ADAMTSL1: variants seen among roughly 807,000 people sequenced by gnomAD.
The protein encoded by ADAMTSL1 is ADAMTS-like protein 1.
Under a neutral mutation model 201.8 loss-of-function variants are expected in ADAMTSL1, and 126 were observed. The ratio of observed to expected loss-of-function variants is 0.62; its 90% confidence interval spans 0.54 to 0.72. The LOEUF (loss-of-function observed/expected upper bound fraction) is 0.72. Among genes scored for constraint, ADAMTSL1 ranks in the 30% least tolerant of loss-of-function variants. ADAMTSL1 has a pLI of 0.00. For synonymous variants in ADAMTSL1, 1,121 were observed against 903.4 expected, an observed-to-expected ratio of 1.24 and a Z score of -4.32; for missense variants, 2,679 against 2,277.8, an observed-to-expected ratio of 1.18 and a Z score of -3.59.
intron 3 of ADAMTSL1, among the ~76,000 whole-genome samples, chr9:18,533,496 C>G (rs1395857663): frequency 6.6e-6 from 1 of 152,144 alleles, no homozygotes; most frequent in Non-Finnish European, 1.5e-5. Flanking sequence ...CAGCTTGAAA[C>G]TAACTAGACT....
chr9:18,150,904 AT>A (rs892750170), intron 1 of ADAMTSL1, among the ~76,000 whole-genome samples: 44 of 149,608 alleles, frequency 2.9e-4, no homozygotes, highest in South Asian at 6.4e-4. Context: ...TAAAGGACTT[AT>A]TTTTTTTTTC....
intron 1 of ADAMTSL1, among the ~76,000 whole-genome samples, chr9:18,495,587 C>G (rs557845049): frequency 6.6e-6 from 1 of 152,278 alleles, no homozygotes; most frequent in South Asian, 2.1e-4. Flanking sequence ...CCAGAGTGTT[C>G]CAAATATCCA....
At chr9:18,302,482 A>G (rs545138644) in intron 2 of ADAMTSL1, among the ~76,000 whole-genome samples, 51 of 152,212 alleles carry the variant, frequency 3.4e-4, no homozygotes, top group African/African-American at 1.1e-3. Flanking sequence ...TATGGGCAAT[A>G]TTTCTCCTTC....
chr9:18,657,887 A>G (rs938814827), intron 8 of ADAMTSL1, 137 bp downstream of exon 8: 5 of 676,706 alleles, frequency 7.4e-6, no homozygotes, highest in African/African-American at 7.2e-5. Flanking sequence ...ACAGAGTGGA[A>G]TCTCGAGGCC....
intron 3 of ADAMTSL1, among the ~76,000 whole-genome samples, chr9:18,560,031 A>T (rs921892961): frequency 1.9e-4 from 29 of 152,274 alleles, no homozygotes; most frequent in Admixed American, 6.5e-4. Flanking sequence ...CCGGGCCAGA[A>T]CTTCCAATAT....
chr9:18,338,391 C>T (rs1835336270), intron 2 of ADAMTSL1, among the ~76,000 whole-genome samples: 1 of 152,036 alleles, frequency 6.6e-6, no homozygotes, highest in Non-Finnish European at 1.5e-5. Flanking sequence ...GGTTCCTACC[C>T]TTCCTGCCTG....
At chr9:17,958,010 T>C (rs1827996614) in intron 1 of ADAMTSL1, among the ~76,000 whole-genome samples, 1 of 152,152 alleles carries the variant, frequency 6.6e-6, no homozygotes, top group Non-Finnish European at 1.5e-5. Context: ...GTGACAGTCA[T>C]AGGATGCTAA....
intron 7 of ADAMTSL1, among the ~76,000 whole-genome samples, chr9:18,647,515 T>C (rs1285493277): frequency 1.3e-5 from 2 of 152,254 alleles, no homozygotes; most frequent in Admixed American, 6.5e-5. Context: ...CTTTCTCTTG[T>C]GGGCATTTAG....
At chr9:17,992,910 C>A (rs1336903269) in intron 1 of ADAMTSL1, among the ~76,000 whole-genome samples, 3 of 152,076 alleles carry the variant, frequency 2.0e-5, no homozygotes, top group African/African-American at 7.2e-5. Flanking sequence ...TTACACATAA[C>A]CCTTTACTGA....
At chr9:18,294,443 G>T (rs1833392901) in intron 2 of ADAMTSL1, among the ~76,000 whole-genome samples, 1 of 152,240 alleles carries the variant, frequency 6.6e-6, no homozygotes, top group Non-Finnish European at 1.5e-5. Context: ...CCCAGGTTCT[G>T]TGGCTGGGCT....
intron 2 of ADAMTSL1, among the ~76,000 whole-genome samples, chr9:18,280,249 C>A (rs1832733897): frequency 6.6e-6 from 1 of 151,968 alleles, no homozygotes; most frequent in Non-Finnish European, 1.5e-5. Flanking sequence ...TGGGTGCTGG[C>A]CTGAAGTTTA....
Position 18,268,269 on chromosome 9 carries a change from T to A in ADAMTSL1, c.207+104288T>A, listed in dbSNP as rs946889555. The stretch of plus-strand genomic sequence containing the variant: ...GTTGAGTCACTGCTACTTGTATTGA[T>A]TATAATAGTATGTGAGCAAAATAAC... On this transcript the variant is annotated intron_variant, in intron 2 of 29. Transcript: ENST00000680146. Among the ~76,000 whole-genome samples the A allele has an allele frequency of 2.0e-5, 3 of 152,306 alleles. No homozygotes were observed. In the South Asian group the frequency reaches 6.2e-4, roughly 32 times the overall value.
chr9:18,167,769 G>A (rs552739100), intron 2 of ADAMTSL1, among the ~76,000 whole-genome samples: 8 of 151,820 alleles, frequency 5.3e-5, no homozygotes, highest in Non-Finnish European at 1.0e-4. Context: ...TAGAATGTAA[G>A]CACTAGTACC....
chr9:18,502,771 G>A (rs981105718), intron 1 of ADAMTSL1, among the ~76,000 whole-genome samples: 2 of 152,098 alleles, frequency 1.3e-5, no homozygotes, highest in Admixed American at 6.5e-5. Context: ...CTGCAAGGTC[G>A]TACTGTGGGA....
intron 2 of ADAMTSL1, among the ~76,000 whole-genome samples, chr9:18,532,637 T>A (rs891374224): frequency 6.6e-5 from 10 of 151,990 alleles, no homozygotes; most frequent in Non-Finnish European, 1.2e-4. Flanking sequence ...TGATTTTTTT[T>A]ATTTATACTG....
At chr9:18,806,911 CAT>C (rs1244813710) in intron 20 of ADAMTSL1, among the ~76,000 whole-genome samples, 1 of 151,978 alleles carries the variant, frequency 6.6e-6, no homozygotes, top group Non-Finnish European at 1.5e-5. Flanking sequence ...GAGTTTTAGC[CAT>C]ATGTCAGGCT....
chr9:18,180,405 C>A (rs1280487013), intron 2 of ADAMTSL1, among the ~76,000 whole-genome samples: 1 of 150,876 alleles, frequency 6.6e-6, no homozygotes, highest in South Asian at 2.1e-4. Context: ...TAGTGGCGGG[C>A]GCCTGTAGTC....
chr9:18,622,890 TTTTG>T (rs1826123307), intron 5 of ADAMTSL1, among the ~76,000 whole-genome samples: 1 of 152,050 alleles, frequency 6.6e-6, no homozygotes, highest in Non-Finnish European at 1.5e-5. Context: ...GGTGTTTTGT[TTTTG>T]TTTGTTTTTG....
intron 4 of ADAMTSL1, among the ~76,000 whole-genome samples, chr9:18,618,528 G>GAA (rs71333051): frequency 0.12 from 15,149 of 127,052 alleles, 953 homozygotes; most frequent in Non-Finnish European, 0.16. Flanking sequence ...GGGTATACAT[G>GAA]AAAAAAAAAA....
Sources: allele counts gnomAD v4.1 joint callset (sites outside exome capture counted in the v4.1 genomes callset), GRCh38; gene constraint gnomAD v4.1.1; transcripts MANE v1.5; gene names NCBI Gene and HGNC (gene_info 2026-07-23, HGNC 2026-07-21).